PRKAR1A: variants seen among roughly 807,000 people sequenced by gnomAD.
PRKAR1A encodes protein kinase cAMP-dependent type I regulatory subunit alpha, also known as cAMP-dependent protein kinase type I-alpha regulatory subunit.
In PRKAR1A, 3 loss-of-function variants were observed where a neutral mutation model predicts 52.0. That is an observed-to-expected ratio of 0.06 (90% CI 0.03 to 0.15). The LOEUF (loss-of-function observed/expected upper bound fraction) is 0.15, where lower values mean the gene tolerates loss of function less well. Among genes scored for constraint, PRKAR1A ranks in the 10% least tolerant of loss-of-function variants. The pLI is 1.00. For synonymous variants in PRKAR1A, 188 were observed against 168.4 expected, an observed-to-expected ratio of 1.12 and a Z score of -0.90; for missense variants, 240 against 477.4, an observed-to-expected ratio of 0.50 and a Z score of 4.63.
chr17:68,483,028 A>G, the PRKAR1A span, among the ~76,000 whole-genome samples: 118,797 of 152,178 alleles, frequency 0.78, 47,226 homozygotes, highest in African/African-American at 0.91. Flanking sequence ...ATAGGAAATC[A>G]TTGGCTAACT....
At chr17:68,431,045 C>T in the PRKAR1A span, among the ~76,000 whole-genome samples, 83 of 152,226 alleles carry the variant, frequency 5.5e-4, no homozygotes, top group South Asian at 3.1e-3. Flanking sequence ...TTCTGTGATC[C>T]GAAGCATCCT....
the PRKAR1A span, among the ~76,000 whole-genome samples, chr17:68,455,674 A>C: frequency 4.6e-5 from 7 of 152,356 alleles, no homozygotes; most frequent in South Asian, 1.4e-3. Flanking sequence ...TAAAACTAAC[A>C]GTAGGGAGTA....
chr17:68,449,586 G>A, the PRKAR1A span, among the ~76,000 whole-genome samples: 4 of 152,130 alleles, frequency 2.6e-5, no homozygotes, highest in African/African-American at 9.7e-5. Context: ...GAGTTCTCAC[G>A]AGACCTGGTT....
At chr17:68,461,180 CT>C in the PRKAR1A span, among the ~76,000 whole-genome samples, 1 of 152,248 alleles carries the variant, frequency 6.6e-6, no homozygotes, top group Non-Finnish European at 1.5e-5. The surrounding 1 kb of genome is among the most constrained non-coding windows in gnomAD (Gnocchi z 4.6). Context: ...AAATGTCTAT[CT>C]TTTCCCTGAA....
chr17:68,455,764 G>A, the PRKAR1A span, among the ~76,000 whole-genome samples: 64 of 152,272 alleles, frequency 4.2e-4, no homozygotes, highest in East Asian at 4.4e-3. Flanking sequence ...GGGACTTTGC[G>A]TTATTTAATG....
intron 3 of PRKAR1A, 29 bp downstream of exon 3, chr17:68,522,955 A>T (rs897978293): frequency 1.2e-6 from 2 of 1,611,134 alleles, no homozygotes; most frequent in Non-Finnish European, 1.7e-6. Context: ...TATCGGGGGG[A>T]TGCTTTTGGG....
At chr17:68,489,235 G>A in the PRKAR1A span, among the ~76,000 whole-genome samples, 43 of 10,072 alleles carry the variant, frequency 4.3e-3, no homozygotes, top group Non-Finnish European at 5.7e-3. Context: ...TATATGGAAA[G>A]TATATATATA....
chr17:68,432,314 A>T, the PRKAR1A span, among the ~76,000 whole-genome samples: 1 of 152,176 alleles, frequency 6.6e-6, no homozygotes, highest in African/African-American at 2.4e-5. Flanking sequence ...GGCTTGCTTT[A>T]ATCACACATG....
chr17:68,544,822 A>G (rs2086473046), intron 11 of PRKAR1A, among the ~76,000 whole-genome samples: 1 of 152,224 alleles, frequency 6.6e-6, no homozygotes, highest in Non-Finnish European at 1.5e-5. Flanking sequence ...TCCCATCTGT[A>G]GGAACATATC....
At chr17:68,486,513 CT>C in the PRKAR1A span, among the ~76,000 whole-genome samples, 594 of 56,996 alleles carry the variant, frequency 0.01, 1 homozygote, top group South Asian at 0.012. Flanking sequence ...TTCCTTCTTT[CT>C]TTCTTTCTTT....
the PRKAR1A span, among the ~76,000 whole-genome samples, chr17:68,500,094 G>A: frequency 6.6e-6 from 1 of 152,194 alleles, no homozygotes; most frequent in Non-Finnish European, 1.5e-5. Context: ...AGAATTTATT[G>A]ATTATATACT....
At chr17:68,512,001 G>A (rs1244249315), upstream of PRKAR1A, 1 of 152,816 alleles carries the variant, frequency 6.5e-6, no homozygotes, top group Non-Finnish European at 1.5e-5. Context: ...AGAAAAGGCA[G>A]AGGCGTCAAG....
At chr17:68,486,023 G>A in the PRKAR1A span, among the ~76,000 whole-genome samples, 3 of 152,154 alleles carry the variant, frequency 2.0e-5, no homozygotes, top group Non-Finnish European at 2.9e-5. Flanking sequence ...ACAGGCGTGA[G>A]CCATCGTGCC....
At chr17:68,437,399 A>G in the PRKAR1A span, among the ~76,000 whole-genome samples, 1 of 152,214 alleles carries the variant, frequency 6.6e-6, no homozygotes, top group Admixed American at 6.5e-5. Context: ...TATTAAAAAT[A>G]CAAAAATTAG....
chr17:68,489,745 G>A, the PRKAR1A span, among the ~76,000 whole-genome samples: 137 of 151,576 alleles, frequency 9.0e-4, 3 homozygotes, highest in East Asian at 0.017. Flanking sequence ...TAGTAGAGAC[G>A]GGGTTTCGCC....
chr17:68,448,783 G>C, the PRKAR1A span, among the ~76,000 whole-genome samples: 11 of 152,174 alleles, frequency 7.2e-5, no homozygotes, highest in Non-Finnish European at 1.5e-4. Flanking sequence ...GTTTAGCAGC[G>C]AAACTTAATC....
At chr17:68,435,748 C>T in the PRKAR1A span, 29 of 1,592,022 alleles carry the variant, frequency 1.8e-5, no homozygotes, top group African/African-American at 5.4e-5. Flanking sequence ...ACAGATGCTG[C>T]GGAGGAGGGA....
the PRKAR1A span, among the ~76,000 whole-genome samples, chr17:68,464,478 C>T: frequency 2.0e-5 from 3 of 152,150 alleles, no homozygotes; most frequent in East Asian, 3.9e-4. Flanking sequence ...GTCAGGAGTT[C>T]GAGACCAGCC....
At chr17:68,504,549 A>G in the PRKAR1A span, among the ~76,000 whole-genome samples, 9 of 152,234 alleles carry the variant, frequency 5.9e-5, 1 homozygote, top group Admixed American at 5.9e-4. Context: ...CAACATGGAA[A>G]CAACTGGAGT....
Sources: allele counts gnomAD v4.1 joint callset (sites outside exome capture counted in the v4.1 genomes callset), GRCh38; gene constraint gnomAD v4.1.1; non-coding constraint Gnocchi (gnomAD v3.1); transcripts MANE v1.5; gene names NCBI Gene and HGNC (gene_info 2026-07-23, HGNC 2026-07-21).